The following CSMD2 variants were observed in gnomAD, a reference collection of about 807,000 sequenced individuals.
The protein encoded by CSMD2 is CUB and sushi domain-containing protein 2.
Under a neutral mutation model 398.5 loss-of-function variants are expected in CSMD2, and 130 were observed. The observed-to-expected ratio is 0.33, with a 90% CI of 0.28 to 0.38. The LOEUF is 0.38. CSMD2 is among the 10% of genes least tolerant of loss of function. The pLI, the probability that CSMD2 is intolerant of heterozygous loss-of-function variation, is 1.00. For synonymous variants in CSMD2, 1,828 were observed against 1,908.5 expected (o/e 0.96, Z 1.10); for missense variants, 3,829 against 4,764.9 (o/e 0.80, Z 5.78).
At chr1:33,531,092 G>A (rs1258497703) in intron 64 of CSMD2, among the ~76,000 whole-genome samples, 1 of 152,088 alleles carries the variant, frequency 6.6e-6, no homozygotes, top group Non-Finnish European at 1.5e-5. Context: ...ATTACTGAGA[G>A]TAGATTTTGT....
chr1:33,914,715 T>G (rs1370946713), intron 5 of CSMD2, among the ~76,000 whole-genome samples: 2 of 152,142 alleles, frequency 1.3e-5, no homozygotes, highest in African/African-American at 2.4e-5. Context: ...GGCCCACTGA[T>G]TGCTGCATGT....
intron 3 of CSMD2, among the ~76,000 whole-genome samples, chr1:33,976,297 T>G (rs991682021): frequency 1.3e-5 from 2 of 152,020 alleles, no homozygotes; most frequent in African/African-American, 4.8e-5. Context: ...GTAAAATGGG[T>G]TTAAACAAAG....
chr1:33,976,010 T>C (rs1032586179), intron 3 of CSMD2, among the ~76,000 whole-genome samples: 2 of 152,192 alleles, frequency 1.3e-5, no homozygotes, highest in African/African-American at 4.8e-5. Flanking sequence ...CATTTTAAGT[T>C]AAAAGTTATA....
At position 34,165,107 on chromosome 1, in the gene CSMD2, G is replaced by A; in HGVS notation, c.-10C>T. On this transcript the variant is annotated 5_prime_UTR_variant, in exon 1 of 71. Coordinates refer to ENST00000373381, the MANE Select transcript of CSMD2 (RefSeq NM_001281956.2). ...CCCGCGAGCGCGGCATGGCGCGGCC[G>A]GCAGCGCCGAGGGAGAGGCTCCGCT... 3 of 1,214,024 alleles carry A rather than the reference G, an allele frequency of 2.5e-6. No homozygotes were observed. The South Asian group carries it at 1.2e-4, about 50-fold the overall frequency. 75.2% of individuals were successfully genotyped at this position (1,214,024 alleles called of 1,614,324 possible).
intron 6 of CSMD2, among the ~76,000 whole-genome samples, chr1:33,838,354 AT>A (rs1660523648): frequency 6.6e-6 from 1 of 152,178 alleles, no homozygotes; most frequent in Non-Finnish European, 1.5e-5. Flanking sequence ...TTGCAGATTC[AT>A]CCCCTCCAGC....
chr1:33,772,515 G>T, intron 13 of CSMD2, 54 bp downstream of exon 13: 1 of 1,540,424 alleles, frequency 6.5e-7, no homozygotes. Flanking sequence ...GCTAGGAAAC[G>T]GGCCCCTGCC....
At chr1:33,709,379 GC>G (rs1645908579) in intron 21 of CSMD2, 121 bp from the exon 22 acceptor site, 14 of 782,602 alleles carry the variant, frequency 1.8e-5, no homozygotes, top group Non-Finnish European at 2.6e-5. Flanking sequence ...CTGCCAAGGT[GC>G]CTGCGTGTCT....
chr1:33,973,996 G>A (rs1315109079), intron 3 of CSMD2, among the ~76,000 whole-genome samples: 1 of 152,184 alleles, frequency 6.6e-6, no homozygotes, highest in Non-Finnish European at 1.5e-5. Flanking sequence ...TTCTTCTGCT[G>A]CAGCCCCTGC....
intron 19 of CSMD2, among the ~76,000 whole-genome samples, chr1:33,718,128 T>C (rs961092106): frequency 1.3e-5 from 2 of 152,052 alleles, no homozygotes; most frequent in African/African-American, 4.8e-5. Flanking sequence ...GCCCAGCTAG[T>C]ATGTGGTAGA....
At chr1:33,727,397 T>G (rs1646571171) in intron 15 of CSMD2, among the ~76,000 whole-genome samples, 1 of 152,128 alleles carries the variant, frequency 6.6e-6, no homozygotes. Flanking sequence ...TTCCCCATTC[T>G]CAGCTGCCTC....
rs141650794 is a variant in CSMD2 at position 33,853,563 on chromosome 1, G to T, written c.921-6567C>A. On this transcript the variant is annotated intron_variant, in intron 5 of 70. Transcript: ENST00000373381. ...ATAATTACAATAACAAGTATGACTG[G>T]CACTGAGAGACTTGGCAACAAACCC... Among the ~76,000 whole-genome samples the T allele has an allele frequency of 1.9e-3, 287 of 151,922 alleles. 2 individuals are homozygous for T. The highest frequency in any genetic ancestry group is 1.9e-3 in the Non-Finnish European group (126 of 68,002).
chr1:34,130,439 G>T (rs1257032545), intron 1 of CSMD2, among the ~76,000 whole-genome samples: 1 of 133,582 alleles, frequency 7.5e-6, no homozygotes, highest in African/African-American at 2.7e-5. Context: ...AGAGCAAAAA[G>T]GCAAGTACAC....
rs745714603 is a variant in CSMD2, at chr1:33,605,290, T to C, written c.6524A>G (p.Lys2175Arg). 1 of 1,614,006 alleles carries C rather than the reference T, an allele frequency of 6.2e-7. No homozygotes were observed. The highest frequency in any genetic ancestry group is 8.5e-7 in the Non-Finnish European group (1 of 1,179,954). Residue 2175 changes from lysine (K) to arginine (R), a missense_variant, in exon 42 of 71, where the codon AAG becomes AGG. By Grantham distance (26) the Lys-to-Arg change is conservative (BLOSUM62 2). Coordinates refer to ENST00000373381, the MANE Select transcript of CSMD2 (RefSeq NM_001281956.2). Reference sequence around the variant, plus strand: ...ATGAGGGAGCGACATACCTTCACACTTGGGCAGGGGGTGGTCCCAGTTCCG... The same window carrying C: ...ATGAGGGAGCGACATACCTTCACACCTGGGCAGGGGGTGGTCCCAGTTCCG... ...TNRNWDHPLP[K>R]CEVPCGGNIT...
At chr1:34,104,565 T>C (rs1323083844) in intron 1 of CSMD2, among the ~76,000 whole-genome samples, 1 of 152,174 alleles carries the variant, frequency 6.6e-6, no homozygotes, top group African/African-American at 2.4e-5. Context: ...ATGGATTTGT[T>C]GAAGCCACGC....
At chr1:34,007,305 C>A (rs1334581010) in intron 3 of CSMD2, among the ~76,000 whole-genome samples, 1 of 152,176 alleles carries the variant, frequency 6.6e-6, no homozygotes, top group Non-Finnish European at 1.5e-5. Context: ...GGATGGGAAG[C>A]AGGCCAGACC....
intron 6 of CSMD2, among the ~76,000 whole-genome samples, chr1:33,833,269 A>C (rs76489643): frequency 0.6 from 35,802 of 60,078 alleles, 12,447 homozygotes; most frequent in East Asian, 0.87. Context: ...ACTGGCAAAC[A>C]GAATCCAGCA....
intron 68 of CSMD2, among the ~76,000 whole-genome samples, 165 bp from the exon 69 acceptor site, chr1:33,520,115 T>TC (rs1654133521): frequency 1.3e-5 from 2 of 152,180 alleles, no homozygotes; most frequent in Non-Finnish European, 2.9e-5. Context: ...CCCGCCTGCC[T>TC]CCACGTGCAC....
At chr1:33,944,818 C>T (rs955963671) in intron 3 of CSMD2, among the ~76,000 whole-genome samples, 5 of 152,124 alleles carry the variant, frequency 3.3e-5, no homozygotes, top group Non-Finnish European at 7.4e-5. Flanking sequence ...GGTTAAAACC[C>T]AAGCTGCTTG....
chr1:33,749,088 ACTT>A (rs1159573538), intron 13 of CSMD2, among the ~76,000 whole-genome samples: 3 of 133,470 alleles, frequency 2.2e-5, no homozygotes, highest in African/African-American at 8.9e-5. Flanking sequence ...ATCAATACAG[ACTT>A]CTTTTTTTTT....
Sources: gnomAD v4.1 joint callset for allele counts (sites outside exome capture counted in the v4.1 genomes callset) on GRCh38, gnomAD v4.1.1 for gene constraint, MANE v1.5 for transcripts, NCBI Gene and HGNC (gene_info 2026-07-23, HGNC 2026-07-21) for gene names.